Variants in MRRF observed in about 807,000 individuals in gnomAD.
MRRF encodes mitochondrial ribosome recycling factor.
MRRF carries 18 observed loss-of-function variants against 25.1 expected under a neutral mutation model. That is an observed-to-expected ratio of 0.72 (90% confidence interval 0.50 to 1.06). The LOEUF is 1.06. MRRF is among the 50% of genes least tolerant of loss of function. MRRF has a pLI of 0.00. For missense variants in MRRF, 323 were observed against 319.3 expected (o/e 1.01, Z -0.09); for synonymous variants, 113 against 112.1 (o/e 1.01, Z -0.05).
chr9:122,327,996 G>T lies in MRRF; in HGVS notation c.*5379G>T, dbSNP rs1836185500. The stretch of plus-strand genomic sequence containing the variant: ...TAACCATGTTTTTTTTTTAGACAGG[G>T]TCTTGCTCTGTCACTCAGGCTGGAT... On this transcript the variant is annotated 3_prime_UTR_variant, in exon 7 of 7. Transcript: ENST00000344641. The T allele has an allele frequency of 6.6e-6, 1 of 150,958 alleles. No homozygotes were observed. The highest frequency in any genetic ancestry group is 2.1e-4 in the South Asian group (1 of 4,788). The allele number at this position is 150,958 out of a possible 1,614,324, so 9.4% of individuals were successfully genotyped here. A position where few individuals can be genotyped will look rare whatever the true frequency, so the allele number is the denominator to read the frequency against.
intron 4 of MRRF, chr9:122,285,741 C>A (rs1483322027): frequency 8.0e-7 from 1 of 1,245,848 alleles, no homozygotes. Flanking sequence ...CATCTTTATT[C>A]TGTAAATGTT....
At position 122,280,314 on chromosome 9, in the gene MRRF, A is replaced by G. The variant is rs545042191; in HGVS notation, c.185-129A>G. ...GTTAATATAGGCTCTTTTTTAGTGG[A>G]GCGATAATGTTTTATAATTTTCTAA... is the stretch of plus-strand genomic sequence containing the variant. On this transcript the variant is annotated intron_variant, in intron 2 of 6. Transcript: ENST00000344641. 1.8e-5 allele frequency: 18 copies of G among 984,008 alleles called. No homozygotes were observed. The East Asian group carries it at 4.2e-4, about 23-fold the overall frequency. 61.0% of individuals were successfully genotyped at this position (984,008 alleles called of 1,614,324 possible). A position where few individuals can be genotyped will look rare whatever the true frequency, so the allele number is the denominator to read the frequency against.
chr9:122,327,256 GATAATA>G lies in MRRF; in HGVS notation c.*4644_*4649del, dbSNP rs1421604042. ...AAATGTTCACCAAGCAGTGAATAAT[GATAATA>G]ATAACAACAATAACAGTATTGACAG... On this transcript the variant is annotated 3_prime_UTR_variant, in exon 7 of 7. Transcript: ENST00000344641. The G allele has an allele frequency of 2.0e-5, 3 of 152,146 alleles. No individual in the cohort carries two copies. Among genetic ancestry groups the G allele is most frequent in the Admixed American group, 1.3e-4 (2 of 15,280 alleles). 9.4% of individuals were successfully genotyped at this position (152,146 alleles called of 1,614,324 possible).
rs551266768 is a variant in MRRF at position 122,323,182 on chromosome 9, T to G, written c.*565T>G. 6.1e-6 allele frequency: 1 copy of G among 162,674 alleles called. No individual in the cohort carries two copies. Among genetic ancestry groups the G allele is most frequent in the South Asian group, 1.6e-4 (1 of 6,148 alleles). The allele number at this position is 162,674 out of a possible 1,614,324, so 10.1% of individuals were successfully genotyped here. A position where few individuals can be genotyped will look rare whatever the true frequency, so the allele number is the denominator to read the frequency against. ...GTGAGTCGTCTTCACACATGCTGTT[T>G]TCTCTGCCTGGCTCTCTCTTCCCCT... is the stretch of plus-strand genomic sequence containing the variant. On this transcript the variant is annotated 3_prime_UTR_variant, in exon 7 of 7. Coordinates refer to ENST00000344641, the MANE Select transcript of MRRF (RefSeq NM_138777.5).
chr9:122,282,792 G>A (rs565184233), intron 3 of MRRF, among the ~76,000 whole-genome samples: 1 of 152,292 alleles, frequency 6.6e-6, no homozygotes, highest in Admixed American at 6.5e-5. Flanking sequence ...GGGGTTTATA[G>A]TCCAGCCTAG....
At chr9:122,320,498 A>G (rs1835830940) in intron 6 of MRRF, among the ~76,000 whole-genome samples, 1 of 152,148 alleles carries the variant, frequency 6.6e-6, no homozygotes, top group Non-Finnish European at 1.5e-5. Flanking sequence ...GCCAGCCTGC[A>G]GGTGTTGGAG....
At chr9:122,302,188 C>G (rs1834514321) in intron 5 of MRRF, among the ~76,000 whole-genome samples, 1 of 152,202 alleles carries the variant, frequency 6.6e-6, no homozygotes, top group Non-Finnish European at 1.5e-5. Flanking sequence ...TTGTCACCTT[C>G]ATTGAAATAT....
In MRRF at chr9:122,308,330, A is replaced by T. The variant is rs1588072453; in HGVS notation, c.552-4897A>T. Among the ~76,000 whole-genome samples the T allele has an allele frequency of 2.0e-5, 3 of 151,798 alleles. No homozygotes were observed. In the Middle Eastern group the frequency reaches 0.011, roughly 535 times the overall value. Reference sequence around the variant, plus strand: ...GTCTACACAAACTACAAATCTGATCAAGTTTCTTCTTATTTTAATGTAAAA... The same window carrying T: ...GTCTACACAAACTACAAATCTGATCTAGTTTCTTCTTATTTTAATGTAAAA... On this transcript the variant is annotated intron_variant, in intron 5 of 6. Transcript: ENST00000344641.
intron 5 of MRRF, among the ~76,000 whole-genome samples, chr9:122,309,266 T>C (rs1484721014): frequency 6.6e-6 from 1 of 152,210 alleles, no homozygotes; most frequent in Non-Finnish European, 1.5e-5. Context: ...CTCAATAATA[T>C]TATATGCATA....
intron 1 of MRRF, among the ~76,000 whole-genome samples, chr9:122,270,000 A>G (rs1004419900): frequency 1.3e-5 from 2 of 152,148 alleles, no homozygotes; most frequent in Non-Finnish European, 2.9e-5. Context: ...AGCCCATGTT[A>G]TTCATTCCAT....
intron 4 of MRRF, chr9:122,285,594 G>C: frequency 2.2e-6 from 1 of 449,706 alleles, no homozygotes; most frequent in Non-Finnish European, 4.0e-6. Flanking sequence ...TGGAGAGCCT[G>C]TACCTTGTGT....
chr9:122,267,421 A>G (rs1194175783), intron 1 of MRRF, among the ~76,000 whole-genome samples: 2 of 151,992 alleles, frequency 1.3e-5, no homozygotes, highest in African/African-American at 2.4e-5. Context: ...GGATGCTATT[A>G]TAATAGCTAC....
intron 6 of MRRF, among the ~76,000 whole-genome samples, chr9:122,317,413 G>A (rs889581427): frequency 5.9e-5 from 9 of 151,928 alleles, no homozygotes; most frequent in East Asian, 1.9e-4. Flanking sequence ...TAGTGACTTA[G>A]GAATTTGCCC....
intron 2 of MRRF, among the ~76,000 whole-genome samples, chr9:122,273,792 G>A (rs778310819): frequency 2.6e-5 from 4 of 152,102 alleles, no homozygotes; most frequent in African/African-American, 9.7e-5. Flanking sequence ...CGTCAGTATG[G>A]ATTTTGTGTC....
chr9:122,284,939 CA>C (rs1833293023), intron 3 of MRRF, among the ~76,000 whole-genome samples: 2 of 152,104 alleles, frequency 1.3e-5, no homozygotes, highest in Non-Finnish European at 2.9e-5. Context: ...AGGCACATGC[CA>C]CCATACCTGC....
Position 122,280,572 on chromosome 9 carries a change from A to T in MRRF, c.314A>T (p.Lys105Met). Residue 105 changes from lysine to methionine, a missense_variant, in exon 3 of 7, where the codon AAG (lysine) becomes ATG (methionine). Physicochemically the swap from Lys to Met is moderately conservative, Grantham distance 95. Transcript: ENST00000344641. ...VIEALKDNFNKTLNIRTSPGS... is the reference protein window; with the variant it reads ...VIEALKDNFNMTLNIRTSPGS... ...GAAGCTCTCAAGGATAATTTCAATA[A>T]GACTCTCAATATAAGGACCTCACCA... is the stretch of plus-strand genomic sequence containing the variant. 2.5e-6 allele frequency: 4 copies of T among 1,614,068 alleles called. No homozygotes were observed. Among genetic ancestry groups the T allele is most frequent in the Non-Finnish European group, 3.4e-6 (4 of 1,179,916 alleles).
chr9:122,282,491 A>C (rs1218518555), intron 3 of MRRF, among the ~76,000 whole-genome samples: 1 of 152,252 alleles, frequency 6.6e-6, no homozygotes, highest in Non-Finnish European at 1.5e-5. Flanking sequence ...GTATAAAACT[A>C]TACAGCAAAG....
At chr9:122,280,644 G>T (rs1455497473) in intron 3 of MRRF, 46 bp downstream of exon 3, 1 of 1,594,632 alleles carries the variant, frequency 6.3e-7, no homozygotes, top group East Asian at 2.2e-5. Flanking sequence ...AATGGAAAGA[G>T]CATGGGTTTG....
chr9:122,324,538 C>G lies in MRRF; in HGVS notation c.*1921C>G, dbSNP rs569005358. On this transcript the variant is annotated 3_prime_UTR_variant, in exon 7 of 7. Coordinates refer to ENST00000344641, the MANE Select transcript of MRRF (RefSeq NM_138777.5). ...AATACAAAAATGGGAAAGATATGACCCCTGTTTTGGGGGGGTACATAGTGC... is the reference window on the plus strand; with the variant it reads ...AATACAAAAATGGGAAAGATATGACGCCTGTTTTGGGGGGGTACATAGTGC... 6.6e-5 allele frequency: 10 copies of G among 152,120 alleles called. No individual in the cohort carries two copies. The highest frequency in any genetic ancestry group is 1.5e-4 in the Non-Finnish European group (10 of 68,034). The allele number at this position is 152,120 out of a possible 1,614,324, so 9.4% of individuals were successfully genotyped here.
Sources: gnomAD v4.1 joint callset for allele counts (sites outside exome capture counted in the v4.1 genomes callset) on GRCh38, gnomAD v4.1.1 for gene constraint, MANE v1.5 for transcripts, NCBI Gene and HGNC (gene_info 2026-07-23, HGNC 2026-07-21) for gene names.